The following ADGRB3 variants were observed in gnomAD, a reference collection of about 807,000 sequenced individuals.
ADGRB3 encodes brain-specific angiogenesis inhibitor 3.
Under a neutral mutation model 193.4 loss-of-function variants are expected in ADGRB3, and 37 were observed. That is an observed-to-expected ratio of 0.19 (90% CI 0.15 to 0.25). The LOEUF is 0.25. Among genes scored for constraint, ADGRB3 ranks in the 10% least tolerant of loss-of-function variants. ADGRB3 has a pLI of 1.00. For missense variants in ADGRB3, 1,637 were observed against 1,852.9 expected (o/e 0.88, Z 2.14); for synonymous variants, 690 against 644.2 (o/e 1.07, Z -1.08).
At chr6:69,259,192 G>A (rs917100438) in intron 20 of ADGRB3, among the ~76,000 whole-genome samples, 3 of 152,128 alleles carry the variant, frequency 2.0e-5, no homozygotes, top group East Asian at 3.9e-4. Flanking sequence ...GAGTCAGTAC[G>A]GTGTAAATTA....
chr6:69,104,572 A>C (rs1340083068), intron 17 of ADGRB3, among the ~76,000 whole-genome samples: 3 of 152,026 alleles, frequency 2.0e-5, no homozygotes, highest in African/African-American at 7.2e-5. Context: ...ACATTTTAAT[A>C]AAAATGTATA....
chr6:68,745,371 A>G (rs1198217395), intron 3 of ADGRB3, among the ~76,000 whole-genome samples: 3 of 152,194 alleles, frequency 2.0e-5, no homozygotes, highest in Non-Finnish European at 4.4e-5. Flanking sequence ...GATTCCACTT[A>G]TATGAGGTAT....
intron 3 of ADGRB3, among the ~76,000 whole-genome samples, chr6:68,782,396 A>G (rs1766873000): frequency 6.6e-6 from 1 of 151,726 alleles, no homozygotes; most frequent in Admixed American, 6.6e-5. Flanking sequence ...AGTTGGTTCC[A>G]AGTCTTTGCT....
intron 17 of ADGRB3, among the ~76,000 whole-genome samples, chr6:69,108,226 A>C (rs2150324491): frequency 6.6e-6 from 1 of 152,178 alleles, no homozygotes; most frequent in Non-Finnish European, 1.5e-5. Flanking sequence ...CAAATTCCTC[A>C]TTGCTATTTC....
At chr6:69,109,711 C>G (rs1773314823) in intron 17 of ADGRB3, among the ~76,000 whole-genome samples, 1 of 152,060 alleles carries the variant, frequency 6.6e-6, no homozygotes, top group Non-Finnish European at 1.5e-5. Flanking sequence ...GATGGCAGGT[C>G]AGTGACTATT....
chr6:68,712,614 T>C (rs955370936), intron 3 of ADGRB3, among the ~76,000 whole-genome samples: 1 of 151,798 alleles, frequency 6.6e-6, no homozygotes, highest in Non-Finnish European at 1.5e-5. Flanking sequence ...GACTAATAAA[T>C]GGGAGACATA....
Position 68,762,270 on chromosome 6 carries a change from GT to G in ADGRB3, c.757+122842del, listed in dbSNP as rs370427885. ...TCTTTTCTCCTCATTCTCTCTCTCA[GT>G]TTTCTGATCCCCTTTTTAAGAGCTT... On this transcript the variant is annotated intron_variant, in intron 3 of 31. Coordinates refer to ENST00000370598, the MANE Select transcript of ADGRB3 (RefSeq NM_001704.3). 2.1e-3 allele frequency among the ~76,000 whole-genome samples: 325 copies of G among 151,238 alleles called. 11 individuals are homozygous for G. The South Asian group carries it at 0.064, about 30-fold the overall frequency.
chr6:69,362,815 TC>T (rs1450919890), intron 29 of ADGRB3, among the ~76,000 whole-genome samples: 3 of 151,994 alleles, frequency 2.0e-5, no homozygotes, highest in African/African-American at 7.2e-5. Context: ...AACTTGCATA[TC>T]CCAGAGACTT....
chr6:69,063,563 G>C (rs1040459906), intron 16 of ADGRB3, among the ~76,000 whole-genome samples: 1 of 152,032 alleles, frequency 6.6e-6, no homozygotes, highest in African/African-American at 2.4e-5. Flanking sequence ...GTTATAAACA[G>C]TGCAGAGGGG....
intron 20 of ADGRB3, among the ~76,000 whole-genome samples, chr6:69,293,616 C>T (rs1260995109): frequency 6.6e-6 from 1 of 152,164 alleles, no homozygotes; most frequent in Admixed American, 6.5e-5. Context: ...AGAGTCTTGA[C>T]TGCATTCACA....
chr6:69,176,498 G>C (rs1308851593), intron 17 of ADGRB3, among the ~76,000 whole-genome samples: 1 of 152,170 alleles, frequency 6.6e-6, no homozygotes, highest in Non-Finnish European at 1.5e-5. Context: ...ACTTGATCAT[G>C]ATGAATTAAC....
intron 3 of ADGRB3, among the ~76,000 whole-genome samples, chr6:68,902,804 T>A (rs1477907212): frequency 6.6e-6 from 1 of 152,162 alleles, no homozygotes; most frequent in Non-Finnish European, 1.5e-5. Context: ...TCTGCATGAC[T>A]GAGTAGACTA....
chr6:68,640,294 A>T (rs1768055390), intron 3 of ADGRB3, among the ~76,000 whole-genome samples: 1 of 152,228 alleles, frequency 6.6e-6, no homozygotes, highest in Admixed American at 6.5e-5. Flanking sequence ...AGGAAGTGCA[A>T]CGGAAATGCG....
At chr6:69,234,025 CTCA>C (rs1766208603) in intron 18 of ADGRB3, among the ~76,000 whole-genome samples, 2 of 152,188 alleles carry the variant, frequency 1.3e-5, no homozygotes, top group South Asian at 2.1e-4. Flanking sequence ...AAATAATATT[CTCA>C]TCAATTGTAT....
intron 3 of ADGRB3, among the ~76,000 whole-genome samples, chr6:68,685,547 T>A (rs1764967064): frequency 6.6e-6 from 1 of 151,858 alleles, no homozygotes. Flanking sequence ...GACTCAAACT[T>A]GAGAAAGTTA....
chr6:69,146,933 T>A (rs1774518450), intron 17 of ADGRB3, among the ~76,000 whole-genome samples: 1 of 151,820 alleles, frequency 6.6e-6, no homozygotes, highest in South Asian at 2.1e-4. Context: ...GTTTGCCAAT[T>A]CGTTCATATA....
At chr6:69,201,701 T>G (rs935499689) in intron 17 of ADGRB3, among the ~76,000 whole-genome samples, 1 of 152,150 alleles carries the variant, frequency 6.6e-6, no homozygotes, top group Non-Finnish European at 1.5e-5. Flanking sequence ...CACATGGGTC[T>G]CAATGTTATT....
At chr6:69,083,727 C>T (rs1772462538) in intron 17 of ADGRB3, among the ~76,000 whole-genome samples, 1 of 151,510 alleles carries the variant, frequency 6.6e-6, no homozygotes, top group South Asian at 2.1e-4. Flanking sequence ...GTAAAGGATC[C>T]AGGATCCATC....
At chr6:68,817,308 T>C (rs1192455643) in intron 3 of ADGRB3, among the ~76,000 whole-genome samples, 1 of 3,822 alleles carries the variant, frequency 2.6e-4, no homozygotes, top group Non-Finnish European at 6.4e-4. Flanking sequence ...TTTGTCCATG[T>C]ATATATATAT....
Sources: allele counts gnomAD v4.1 joint callset (sites outside exome capture counted in the v4.1 genomes callset), GRCh38; gene constraint gnomAD v4.1.1; transcripts MANE v1.5; gene names NCBI Gene and HGNC (gene_info 2026-07-23, HGNC 2026-07-21).